Variants in KCNT2 observed in about 807,000 individuals in gnomAD.
KCNT2 encodes potassium channel subfamily T member 2.
In KCNT2, 67 loss-of-function variants were observed where a neutral mutation model predicts 153.8. The observed-to-expected ratio is 0.44, with a 90% CI of 0.36 to 0.53. The LOEUF is 0.53. Ranked by LOEUF, KCNT2 falls within the 20% of genes least tolerant of loss-of-function variation. The probability of loss-of-function intolerance (pLI) is 0.00; values close to 1 mark genes in which losing one functional copy is unlikely to be tolerated. For synonymous variants in KCNT2, 500 were observed against 458.8 expected, an observed-to-expected ratio of 1.09 and a Z score of -1.15; for missense variants, 975 against 1,354.8, an observed-to-expected ratio of 0.72 and a Z score of 4.40.
At chr1:196,470,552 C>G (rs1678001534) in intron 5 of KCNT2, among the ~76,000 whole-genome samples, 1 of 152,094 alleles carries the variant, frequency 6.6e-6, no homozygotes, top group Non-Finnish European at 1.5e-5. Flanking sequence ...CACACTGAGG[C>G]CTCCAGGAAA....
At chr1:196,608,194 A>G in intron 1 of KCNT2, 21 bp downstream of exon 1, 1 of 1,607,644 alleles carries the variant, frequency 6.2e-7, no homozygotes, top group Middle Eastern at 1.7e-4. Flanking sequence ...TTACAGAACA[A>G]TCCTCCACCA....
intron 1 of KCNT2, among the ~76,000 whole-genome samples, chr1:196,581,872 C>T (rs888148813): frequency 3.9e-5 from 6 of 152,162 alleles, no homozygotes; most frequent in African/African-American, 1.4e-4. Flanking sequence ...ATGTGTACAA[C>T]ATGAATAGAC....
intron 13 of KCNT2, among the ~76,000 whole-genome samples, chr1:196,383,094 G>C (rs1669646930): frequency 6.6e-6 from 1 of 151,988 alleles, no homozygotes; most frequent in Admixed American, 6.6e-5. Context: ...CCTTAGAGAG[G>C]GAAAAAGAGA....
intron 27 of KCNT2, among the ~76,000 whole-genome samples, chr1:196,233,826 T>C (rs1654171057): frequency 6.6e-6 from 1 of 151,548 alleles, no homozygotes; most frequent in Non-Finnish European, 1.5e-5. Context: ...AATATCATGT[T>C]TTCATTCAAA....
chr1:196,606,704 C>A (rs1020496696), intron 1 of KCNT2, among the ~76,000 whole-genome samples: 5 of 152,026 alleles, frequency 3.3e-5, no homozygotes, highest in Non-Finnish European at 5.9e-5. Context: ...AAAGTATGTG[C>A]TTTATGTGTT....
chr1:196,499,109 T>C (rs6670223), intron 1 of KCNT2, among the ~76,000 whole-genome samples: 122,709 of 152,110 alleles, frequency 0.81, 51,727 homozygotes, highest in East Asian at 0.97. Context: ...AAGGCAGAGA[T>C]TGAGTTATAC....
In KCNT2 at chr1:196,357,263, A is replaced by C. The variant is rs1206206191; in HGVS notation, c.1404-15035T>G. ...CATTGAGAGTCAAGTGGAGGGCTTC[A>C]ATTATATGACCTTATCTGCAGTTCC... is the stretch of plus-strand genomic sequence containing the variant. On this transcript the variant is annotated intron_variant, in intron 14 of 27. Transcript: ENST00000294725. Among the ~76,000 whole-genome samples, 6 of 152,066 alleles carry C rather than the reference A, an allele frequency of 3.9e-5. No individual in the cohort carries two copies. The East Asian group carries it at 1.2e-3, about 29-fold the overall frequency.
intron 1 of KCNT2, among the ~76,000 whole-genome samples, chr1:196,496,058 T>A (rs961590710): frequency 1.3e-5 from 2 of 152,108 alleles, no homozygotes; most frequent in African/African-American, 2.4e-5. Context: ...TACATGTGAT[T>A]TTTTTTTCAC....
chr1:196,453,527 T>A (rs912515124), intron 8 of KCNT2, among the ~76,000 whole-genome samples: 1 of 151,972 alleles, frequency 6.6e-6, no homozygotes, highest in Non-Finnish European at 1.5e-5. Context: ...CAATAGACAG[T>A]AATTTTTGTT....
chr1:196,323,340 G>T lies in KCNT2; in HGVS notation c.2276+3377C>A, dbSNP rs145021967. ...GGATCTTTCCCTTCATCCTTATGTAGCTTTGGATAATATATTCTAGCTTTT... is the reference window on the plus strand; with the variant it reads ...GGATCTTTCCCTTCATCCTTATGTATCTTTGGATAATATATTCTAGCTTTT... On this transcript the variant is annotated intron_variant, in intron 19 of 27. Transcript: ENST00000294725. Among the ~76,000 whole-genome samples, 739 of 151,948 alleles carry T rather than the reference G, an allele frequency of 4.9e-3. 5 individuals are homozygous for T. The highest frequency in any genetic ancestry group is 0.017 in the African/African-American group (697 of 41,514).
intron 14 of KCNT2, among the ~76,000 whole-genome samples, chr1:196,369,428 A>G (rs1010431261): frequency 2.6e-5 from 4 of 151,704 alleles, no homozygotes; most frequent in Non-Finnish European, 4.4e-5. Flanking sequence ...GCACCCACTA[A>G]CTCGTCATCT....
Position 196,522,445 on chromosome 1 carries a change from C to T in KCNT2, c.96-30104G>A, listed in dbSNP as rs1379396461. On this transcript the variant is annotated intron_variant, in intron 1 of 27. Coordinates refer to ENST00000294725, the MANE Select transcript of KCNT2 (RefSeq NM_198503.5). ...ATAGTAAAATCTGTGGAAAATAAGT[C>T]ATTAAACCTTACATTTTTATGCTTC... Among the ~76,000 whole-genome samples, 9 of 152,304 alleles carry T rather than the reference C, an allele frequency of 5.9e-5. No homozygotes were observed. In the East Asian group the frequency reaches 1.5e-3, roughly 26 times the overall value.
At chr1:196,253,916 C>A (rs1656226160) in intron 26 of KCNT2, among the ~76,000 whole-genome samples, 1 of 151,442 alleles carries the variant, frequency 6.6e-6, no homozygotes, top group African/African-American at 2.4e-5. Flanking sequence ...AAACACAGCA[C>A]TTGAATTTCC....
intron 1 of KCNT2, among the ~76,000 whole-genome samples, chr1:196,519,247 G>C (rs12133309): frequency 2.6e-5 from 4 of 151,994 alleles, no homozygotes; most frequent in Admixed American, 6.6e-5. Context: ...TTTGAAACTC[G>C]TGAGAACAAA....
chr1:196,320,598 C>G (rs139745796), intron 19 of KCNT2, among the ~76,000 whole-genome samples: 6 of 151,770 alleles, frequency 4.0e-5, no homozygotes, highest in Non-Finnish European at 8.8e-5. Context: ...CTACAAGCCT[C>G]CCTGGCTAGA....
Position 196,228,183 on chromosome 1 carries a change from G to T in KCNT2, c.*41C>A. 8.2e-7 allele frequency: 1 copy of T among 1,226,678 alleles called. No individual in the cohort carries two copies. Among genetic ancestry groups the T allele is most frequent in the Non-Finnish European group, 1.2e-6 (1 of 839,176 alleles). The allele number at this position is 1,226,678 out of a possible 1,614,324, so 76.0% of individuals were successfully genotyped here. On this transcript the variant is annotated 3_prime_UTR_variant, in exon 28 of 28. Transcript: ENST00000294725. Reference sequence around the variant, plus strand: ...GCCAGCAAAACTTTTGTGGTTTCAAGCAAGGTCTTTGTAGGAAAAAAGTTT... The same window carrying T: ...GCCAGCAAAACTTTTGTGGTTTCAATCAAGGTCTTTGTAGGAAAAAAGTTT...
At chr1:196,450,616 T>C (rs1676074633) in intron 8 of KCNT2, among the ~76,000 whole-genome samples, 1 of 151,814 alleles carries the variant, frequency 6.6e-6, no homozygotes, top group Admixed American at 6.6e-5. Context: ...CAAAAGTGTG[T>C]CACTTCTGTC....
At chr1:196,543,662 T>A (rs1279642418) in intron 1 of KCNT2, among the ~76,000 whole-genome samples, 2 of 152,162 alleles carry the variant, frequency 1.3e-5, no homozygotes, top group Non-Finnish European at 2.9e-5. Context: ...CCTTAATGAA[T>A]AAGGTATGTA....
chr1:196,398,831 A>G (rs1450576486), intron 12 of KCNT2, among the ~76,000 whole-genome samples, 160 bp from the exon 13 acceptor site: 1 of 151,666 alleles, frequency 6.6e-6, no homozygotes, highest in Non-Finnish European at 1.5e-5. Context: ...TTTCCATAGA[A>G]GAAGGTAGTA....
Sources: gnomAD v4.1 joint callset for allele counts (sites outside exome capture counted in the v4.1 genomes callset) on GRCh38, gnomAD v4.1.1 for gene constraint, MANE v1.5 for transcripts, NCBI Gene and HGNC (gene_info 2026-07-23, HGNC 2026-07-21) for gene names.